DCC: variants seen among roughly 807,000 people sequenced by gnomAD.
The protein encoded by DCC is DCC netrin 1 receptor.
DCC carries 58 observed loss-of-function variants against 172.5 expected under a neutral mutation model. The ratio of observed to expected loss-of-function variants is 0.34; its 90% confidence interval spans 0.27 to 0.42. The LOEUF is 0.42. Among genes scored for constraint, DCC ranks in the 10% least tolerant of loss-of-function variants. The probability of loss-of-function intolerance (pLI) is 1.00; values close to 1 mark genes in which losing one functional copy is unlikely to be tolerated. For synonymous variants in DCC, 709 were observed against 644.5 expected (o/e 1.10, Z -1.52); for missense variants, 1,740 against 1,791.0 (o/e 0.97, Z 0.51).
intron 13 of DCC, among the ~76,000 whole-genome samples, chr18:53,307,893 GTATGTATATATATATATATA>G (rs1385907601): frequency 0.035 from 3,430 of 97,504 alleles, 189 homozygotes; most frequent in Non-Finnish European, 0.046. Context: ...CAATGTGTGT[GTATGTATATATATATATATA>G]TATATATATA....
chr18:52,843,894 C>CT (rs2038845141), intron 2 of DCC, among the ~76,000 whole-genome samples: 1 of 152,086 alleles, frequency 6.6e-6, no homozygotes, highest in Non-Finnish European at 1.5e-5. Context: ...CCACTGTGGG[C>CT]TGACTCATTT....
chr18:53,467,442 A>T (rs1040256547), intron 24 of DCC, among the ~76,000 whole-genome samples: 8 of 152,080 alleles, frequency 5.3e-5, no homozygotes, highest in African/African-American at 1.9e-4. Context: ...AATAAAATTT[A>T]ATATGGTTGG....
intron 15 of DCC, among the ~76,000 whole-genome samples, chr18:53,343,651 A>C (rs998705324): frequency 6.6e-5 from 10 of 151,704 alleles, no homozygotes; most frequent in African/African-American, 1.9e-4. Context: ...TTTCTCTTTT[A>C]CTCCAGTTAG....
intron 5 of DCC, among the ~76,000 whole-genome samples, chr18:53,020,130 C>A (rs986217124): frequency 6.6e-6 from 1 of 152,162 alleles, no homozygotes; most frequent in African/African-American, 2.4e-5. Flanking sequence ...AGATTGTAGA[C>A]CATGTATTGC....
chr18:52,385,874 C>T (rs1985777501), intron 1 of DCC, among the ~76,000 whole-genome samples: 2 of 152,080 alleles, frequency 1.3e-5, no homozygotes, highest in Non-Finnish European at 2.9e-5. Context: ...TACCTCTTCA[C>T]ATATTGGTGC....
At chr18:52,392,586 T>A (rs1986070592) in intron 1 of DCC, among the ~76,000 whole-genome samples, 1 of 152,150 alleles carries the variant, frequency 6.6e-6, no homozygotes, top group Non-Finnish European at 1.5e-5. Context: ...TTTAAGGCAC[T>A]ATCATTCCTC....
At chr18:53,348,837 C>T (rs937879246) in intron 15 of DCC, among the ~76,000 whole-genome samples, 1 of 152,170 alleles carries the variant, frequency 6.6e-6, no homozygotes, top group African/African-American at 2.4e-5. Flanking sequence ...CTGTACACAG[C>T]ACAGGGACCC....
At chr18:53,480,139 C>T (rs55814504) in intron 25 of DCC, among the ~76,000 whole-genome samples, 3,029 of 152,240 alleles carry the variant, frequency 0.02, 82 homozygotes, top group African/African-American at 0.069. Flanking sequence ...AGACACATCT[C>T]ATTTGAGAAG....
At chr18:53,218,991 G>T (rs1280543509) in intron 12 of DCC, among the ~76,000 whole-genome samples, 2 of 152,154 alleles carry the variant, frequency 1.3e-5, no homozygotes, top group Admixed American at 1.3e-4. Flanking sequence ...ATGTTTAGAG[G>T]ATGATAGAAT....
At chr18:52,828,339 T>C (rs940241614) in intron 2 of DCC, among the ~76,000 whole-genome samples, 2 of 152,162 alleles carry the variant, frequency 1.3e-5, no homozygotes, top group African/African-American at 4.8e-5. Flanking sequence ...GATTAGGTTC[T>C]GATTGTATCA....
At chr18:53,439,993 T>C (rs1019510526) in intron 22 of DCC, among the ~76,000 whole-genome samples, 11 of 151,290 alleles carry the variant, frequency 7.3e-5, no homozygotes, top group African/African-American at 1.7e-4. Context: ...TCTCGATCTC[T>C]TGACCTCGTG....
At chr18:52,849,473 G>T (rs1397799087) in intron 2 of DCC, among the ~76,000 whole-genome samples, 1 of 152,096 alleles carries the variant, frequency 6.6e-6, no homozygotes, top group African/African-American at 2.4e-5. Flanking sequence ...TGGGAATAGT[G>T]CCCCTAGCTG....
chr18:53,283,825 A>C (rs1197841858), intron 12 of DCC, among the ~76,000 whole-genome samples: 1 of 152,212 alleles, frequency 6.6e-6, no homozygotes, highest in Non-Finnish European at 1.5e-5. Flanking sequence ...GAACTCTGGT[A>C]TGACTTTGTC....
chr18:52,649,937 C>T (rs2035096480), intron 1 of DCC, among the ~76,000 whole-genome samples: 1 of 151,556 alleles, frequency 6.6e-6, no homozygotes, highest in Non-Finnish European at 1.5e-5. Flanking sequence ...TAGGTAGACA[C>T]CCAGCAGTGG....
intron 19 of DCC, among the ~76,000 whole-genome samples, chr18:53,403,837 T>C (rs1315908294): frequency 1.3e-5 from 2 of 152,224 alleles, no homozygotes; most frequent in African/African-American, 4.8e-5. Context: ...TGTAATTTAC[T>C]TTCTGAATTT....
chr18:52,392,498 C>T (rs1986067201), intron 1 of DCC, among the ~76,000 whole-genome samples: 1 of 151,924 alleles, frequency 6.6e-6, no homozygotes, highest in African/African-American at 2.4e-5. Flanking sequence ...TATGTGTAAA[C>T]CCAATTCATA....
chr18:53,476,862 A>ATAAT (rs1302756965), intron 25 of DCC, among the ~76,000 whole-genome samples: 32 of 152,224 alleles, frequency 2.1e-4, no homozygotes, highest in African/African-American at 7.5e-4. Flanking sequence ...TGTGTATATT[A>ATAAT]TAATTCAATG....
At chr18:53,419,737 A>G (rs62098264) in intron 21 of DCC, among the ~76,000 whole-genome samples, 65,456 of 151,884 alleles carry the variant, frequency 0.43, 15,891 homozygotes, top group Non-Finnish European at 0.55. Flanking sequence ...AAGAAAGTGA[A>G]GCTCAGAGAG....
At chr18:53,013,327 G>A (rs2041758497) in intron 5 of DCC, among the ~76,000 whole-genome samples, 1 of 152,026 alleles carries the variant, frequency 6.6e-6, no homozygotes, top group South Asian at 2.1e-4. Context: ...ACTAGATAAA[G>A]AAAATGTGGC....
Sources: allele counts gnomAD v4.1 joint callset (sites outside exome capture counted in the v4.1 genomes callset), GRCh38; gene constraint gnomAD v4.1.1; transcripts MANE v1.5; gene names NCBI Gene and HGNC (gene_info 2026-07-23, HGNC 2026-07-21).